WWOX: variants seen among roughly 807,000 people sequenced by gnomAD.
WWOX encodes the protein WW domain containing oxidoreductase.
Under a neutral mutation model 46.2 loss-of-function variants are expected in WWOX, and 69 were observed. The ratio of observed to expected loss-of-function variants is 1.49; its 90% CI spans 1.23 to 1.82. The LOEUF (loss-of-function observed/expected upper bound fraction) is 1.82, where lower values mean the gene tolerates loss of function less well. WWOX is among the 40% of genes most tolerant of loss of function. The pLI is 0.00. For synonymous variants in WWOX, 359 were observed against 202.6 expected, an observed-to-expected ratio of 1.77 and a Z score of -6.56; for missense variants, 919 against 542.6, an observed-to-expected ratio of 1.69 and a Z score of -6.89.
chr16:79,083,926 A>G (rs2048807766), intron 8 of WWOX, among the ~76,000 whole-genome samples: 2 of 152,268 alleles, frequency 1.3e-5, no homozygotes, highest in South Asian at 4.2e-4. Context: ...TTCTTTTATG[A>G]GGTCGTGCTT....
chr16:78,330,522 G>A (rs982409880), intron 5 of WWOX, among the ~76,000 whole-genome samples: 2 of 151,912 alleles, frequency 1.3e-5, no homozygotes, highest in Non-Finnish European at 2.9e-5. Context: ...TCAGCCTCCC[G>A]AGTAGGTGAG....
intron 8 of WWOX, among the ~76,000 whole-genome samples, chr16:78,677,539 C>G (rs954858766): frequency 2.0e-5 from 3 of 152,190 alleles, no homozygotes; most frequent in African/African-American, 4.8e-5. Context: ...AGCCTCTGCT[C>G]TAGGAGGAAT....
chr16:78,508,632 C>T (rs1454714260), intron 8 of WWOX, among the ~76,000 whole-genome samples: 2 of 152,162 alleles, frequency 1.3e-5, no homozygotes, highest in African/African-American at 4.8e-5. Context: ...AATGATGTTG[C>T]TCATTTTTGA....
At chr16:78,557,121 A>C (rs1358759078) in intron 8 of WWOX, among the ~76,000 whole-genome samples, 1 of 152,228 alleles carries the variant, frequency 6.6e-6, no homozygotes, top group Non-Finnish European at 1.5e-5. Context: ...TGAGAAGTCC[A>C]CATTGCTCCA....
At position 78,928,360 on chromosome 16, in the gene WWOX, GC is replaced by G. The variant is rs1418980753; in HGVS notation, c.1057-283245del. ...TGGGACTACAGGCGCCCGCTACCAC[GC>G]CCGGCTAATTTTTTGTATTTTTAGT... On this transcript the variant is annotated intron_variant, in intron 8 of 8. Coordinates refer to ENST00000566780, the MANE Select transcript of WWOX (RefSeq NM_016373.4). 3.3e-5 allele frequency among the ~76,000 whole-genome samples: 5 copies of G among 151,596 alleles called. No homozygotes were observed. The East Asian group carries it at 9.8e-4, about 30-fold the overall frequency.
intron 8 of WWOX, among the ~76,000 whole-genome samples, chr16:78,993,080 CG>C (rs2046919933): frequency 6.6e-6 from 1 of 151,788 alleles, no homozygotes; most frequent in Admixed American, 6.6e-5. Flanking sequence ...CCCCTTCTTT[CG>C]GGGAGGAAAT....
chr16:78,806,049 G>C (rs74513688), intron 8 of WWOX, among the ~76,000 whole-genome samples: 1 of 152,254 alleles, frequency 6.6e-6, no homozygotes, highest in South Asian at 2.1e-4. Context: ...TGAGGCTCTA[G>C]ATAGATCTTA....
chr16:79,053,613 T>A, intron 8 of WWOX, among the ~76,000 whole-genome samples: 1 of 152,200 alleles, frequency 6.6e-6, no homozygotes, highest in Non-Finnish European at 1.5e-5. Flanking sequence ...CTAATTATAT[T>A]CCGATCACTT....
chr16:78,317,321 C>T lies in WWOX; in HGVS notation c.517-69539C>T, dbSNP rs528632483. ...TCTCTGTTTCTGTCTCTCTCACTCA[C>T]ATTTTAGGTAAAGCAGTGTTTCTTC... On this transcript the variant is annotated intron_variant, in intron 5 of 8. Transcript: ENST00000566780. 3.5e-4 allele frequency among the ~76,000 whole-genome samples: 54 copies of T among 152,292 alleles called. No homozygotes were observed. The South Asian group carries it at 0.011, about 31-fold the overall frequency.
chr16:78,187,930 C>T (rs2035760973), intron 5 of WWOX, among the ~76,000 whole-genome samples: 1 of 152,140 alleles, frequency 6.6e-6, no homozygotes, highest in African/African-American at 2.4e-5. Flanking sequence ...GGCATTAAGA[C>T]CTAGTAAGGT....
At chr16:78,554,802 C>T (rs1036815133) in intron 8 of WWOX, among the ~76,000 whole-genome samples, 8 of 152,162 alleles carry the variant, frequency 5.3e-5, no homozygotes, top group Admixed American at 3.9e-4. Context: ...GTCAGAAGCC[C>T]ACTGCCCACC....
At chr16:78,854,643 C>T (rs1393923848) in intron 8 of WWOX, among the ~76,000 whole-genome samples, 4 of 152,166 alleles carry the variant, frequency 2.6e-5, no homozygotes, top group Non-Finnish European at 4.4e-5. Context: ...TGCAGTGGCG[C>T]GATCTCAGCT....
intron 8 of WWOX, among the ~76,000 whole-genome samples, chr16:79,185,676 C>T (rs1247506368): frequency 1.3e-5 from 2 of 152,094 alleles, no homozygotes; most frequent in Non-Finnish European, 2.9e-5. Context: ...TTGGCAGAGC[C>T]TGTGCTAAGA....
intron 8 of WWOX, among the ~76,000 whole-genome samples, chr16:78,820,422 C>G (rs1175402575): frequency 1.3e-5 from 2 of 152,116 alleles, no homozygotes; most frequent in East Asian, 3.9e-4. Context: ...CTCAGTATTC[C>G]TAATTCATTT....
intron 4 of WWOX, among the ~76,000 whole-genome samples, chr16:78,120,762 C>T (rs551792966): frequency 6.6e-6 from 1 of 152,070 alleles, no homozygotes; most frequent in Non-Finnish European, 1.5e-5. Context: ...ATTGTCACCA[C>T]GATGAATTCA....
chr16:78,491,827 G>A (rs542597148), intron 8 of WWOX, among the ~76,000 whole-genome samples: 2 of 152,228 alleles, frequency 1.3e-5, no homozygotes, highest in African/African-American at 2.4e-5. Context: ...GCAGAGGAGG[G>A]GGGCACAGAT....
At chr16:78,323,721 C>G (rs969157194) in intron 5 of WWOX, among the ~76,000 whole-genome samples, 6 of 152,148 alleles carry the variant, frequency 3.9e-5, no homozygotes, top group African/African-American at 1.4e-4. Context: ...AAACATGTTT[C>G]TATTCTAAAT....
chr16:79,200,626 C>A (rs193189606), intron 8 of WWOX, among the ~76,000 whole-genome samples: 12 of 152,114 alleles, frequency 7.9e-5, no homozygotes, highest in African/African-American at 2.9e-4. Flanking sequence ...TCATCACCAC[C>A]GTCGTCGTCT....
At chr16:78,998,324 G>C (rs78934450) in intron 8 of WWOX, among the ~76,000 whole-genome samples, 3,610 of 152,248 alleles carry the variant, frequency 0.024, 57 homozygotes, top group Middle Eastern at 0.044. Context: ...TCTCCACTGG[G>C]CTCTGAGCTT....
Sources: gnomAD v4.1 joint callset for allele counts (sites outside exome capture counted in the v4.1 genomes callset) on GRCh38, gnomAD v4.1.1 for gene constraint, MANE v1.5 for transcripts, NCBI Gene and HGNC (gene_info 2026-07-23, HGNC 2026-07-21) for gene names.